Variants in DMXL2 observed in about 807,000 individuals in gnomAD.
DMXL2 encodes dmX-like protein 2.
DMXL2 carries 103 observed loss-of-function variants against 331.1 expected under a neutral mutation model. That is an observed-to-expected ratio of 0.31 (90% CI 0.27 to 0.37). The LOEUF (loss-of-function observed/expected upper bound fraction) is 0.37. Ranked by LOEUF, DMXL2 falls within the 10% of genes least tolerant of loss-of-function variation. The pLI is 1.00. For missense variants in DMXL2, 3,171 were observed against 3,642.9 expected (o/e 0.87, Z 3.33); for synonymous variants, 1,281 against 1,252.1 (o/e 1.02, Z -0.49).
rs879192623 is a variant in DMXL2, at chr15:51,536,925, T to C, written c.1618-63A>G. On this transcript the variant is annotated intron_variant, in intron 11 of 43. Transcript: ENST00000560891. The stretch of plus-strand genomic sequence containing the variant: ...TACCTCCTCTCAAAAAAAAGACTTC[T>C]ATTCTCAAAATACCAAATCTCAGCT... 2.9e-5 allele frequency: 40 copies of C among 1,357,056 alleles called. No homozygotes were observed. The South Asian group carries it at 4.0e-4, about 14-fold the overall frequency. 84.1% of individuals were successfully genotyped at this position (1,357,056 alleles called of 1,614,324 possible).
chr15:51,557,566 T>C (rs184025285), intron 6 of DMXL2, among the ~76,000 whole-genome samples: 137 of 152,152 alleles, frequency 9.0e-4, no homozygotes, highest in Non-Finnish European at 1.4e-3. Context: ...GGGCCAAGAA[T>C]AGATAAGACG....
At chr15:51,604,987 G>A (rs914087277) in intron 1 of DMXL2, among the ~76,000 whole-genome samples, 6 of 151,914 alleles carry the variant, frequency 3.9e-5, no homozygotes, top group Admixed American at 3.3e-4. Context: ...CAATTCAATG[G>A]AGAAAGGGCA....
intron 1 of DMXL2, among the ~76,000 whole-genome samples, chr15:51,619,380 A>G (rs1435477566): frequency 6.6e-6 from 1 of 152,236 alleles, no homozygotes; most frequent in Non-Finnish European, 1.5e-5. Flanking sequence ...ACGAAATCAC[A>G]ATCGAATGTT....
intron 33 of DMXL2, chr15:51,460,044 T>C (rs2039981874): frequency 2.1e-6 from 2 of 960,930 alleles, no homozygotes; most frequent in Non-Finnish European, 2.5e-6. Flanking sequence ...AAAATACAAA[T>C]TAAAATATTT....
At chr15:51,512,164 C>A (rs1309027935) in intron 15 of DMXL2, among the ~76,000 whole-genome samples, 3 of 152,070 alleles carry the variant, frequency 2.0e-5, no homozygotes, top group Non-Finnish European at 2.9e-5. Flanking sequence ...ATGTTCTGCA[C>A]ATGTATTCCA....
intron 25 of DMXL2, among the ~76,000 whole-genome samples, chr15:51,479,412 G>T (rs140527423): frequency 6.6e-6 from 1 of 152,248 alleles, no homozygotes; most frequent in Non-Finnish European, 1.5e-5. Flanking sequence ...AGTGTTTCTT[G>T]GACTGTATCA....
chr15:51,552,059 G>C (rs2049255356), intron 6 of DMXL2, among the ~76,000 whole-genome samples: 6 of 152,114 alleles, frequency 3.9e-5, no homozygotes, highest in Admixed American at 3.9e-4. Flanking sequence ...TAGACAGAGG[G>C]AACAGCACAT....
chr15:51,574,352 T>C (rs948068385), intron 2 of DMXL2, among the ~76,000 whole-genome samples: 4 of 152,320 alleles, frequency 2.6e-5, no homozygotes, highest in African/African-American at 4.8e-5. Context: ...CTACAGGGAA[T>C]AGACCAAAAA....
At chr15:51,496,004 A>G (rs1454939559) in intron 18 of DMXL2, among the ~76,000 whole-genome samples, 2 of 152,014 alleles carry the variant, frequency 1.3e-5, no homozygotes, top group African/African-American at 4.8e-5. Context: ...CACCAACCTA[A>G]TATGTATCTA....
At chr15:51,532,386 G>A (rs1341391974) in intron 13 of DMXL2, among the ~76,000 whole-genome samples, 1 of 152,162 alleles carries the variant, frequency 6.6e-6, no homozygotes. Context: ...GCTAGGAGGG[G>A]TCGTAAGGGA....
rs761078806 is a variant in DMXL2 at position 51,471,399 on chromosome 15, G to T, written c.7216C>A (p.Pro2406Thr). Reference sequence around the variant, plus strand: ...TCTATGTCTTCAGAAAGGACAGGAGGTGCTAAATGAAGATAGAAGGAAAAA... The same window carrying T: ...TCTATGTCTTCAGAAAGGACAGGAGTTGCTAAATGAAGATAGAAGGAAAAA... ...PRRQSENISA[P>T]PVLSEDIDKH... Residue 2406 changes from proline (P) to threonine (T), a missense_variant and splice_region_variant, in exon 29 of 44, where the codon CCT (proline) becomes ACT (threonine). Pro to Thr is a conservative substitution (Grantham distance 38). Coordinates refer to ENST00000560891, the MANE Select transcript of DMXL2 (RefSeq NM_001378457.1). 5.0e-6 allele frequency: 8 copies of T among 1,586,390 alleles called. No homozygotes were observed. Among genetic ancestry groups the T allele is most frequent in the Admixed American group, 1.8e-5 (1 of 56,572 alleles).
chr15:51,470,954 C>A (rs1485055820), intron 29 of DMXL2, among the ~76,000 whole-genome samples: 3 of 151,998 alleles, frequency 2.0e-5, no homozygotes, highest in African/African-American at 7.2e-5. Flanking sequence ...TCCAGTCACT[C>A]GAAAAAGATG....
intron 23 of DMXL2, among the ~76,000 whole-genome samples, chr15:51,483,893 C>A (rs2042200240): frequency 6.6e-6 from 1 of 151,968 alleles, no homozygotes; most frequent in Admixed American, 6.5e-5. Flanking sequence ...AGCCTTGCAC[C>A]AGTCTCAGAC....
rs2042804817 is a variant in DMXL2 at position 51,491,569 on chromosome 15, A to G, written c.4953+9T>C. 6.3e-7 allele frequency: 1 copy of G among 1,584,524 alleles called. No homozygotes were observed. The highest frequency in any genetic ancestry group is 8.5e-7 in the Non-Finnish European group (1 of 1,171,282). ...TAATATAACTCAAAATCCACTAAAG[A>G]AAAGTTACCTTTTCAATGCATCTTC... On this transcript the variant is annotated intron_variant, in intron 20 of 43. Transcript: ENST00000560891.
At chr15:51,566,845 T>C (rs1280055283) in intron 3 of DMXL2, among the ~76,000 whole-genome samples, 1 of 152,114 alleles carries the variant, frequency 6.6e-6, no homozygotes, top group Admixed American at 6.5e-5. Flanking sequence ...ATGCAGGATG[T>C]TTTAAAGGGC....
At chr15:51,527,190 C>A (rs577554037) in intron 13 of DMXL2, among the ~76,000 whole-genome samples, 27 of 151,776 alleles carry the variant, frequency 1.8e-4, no homozygotes, top group African/African-American at 6.3e-4. Context: ...ATACGTCTGG[C>A]GGCAGAATTT....
intron 1 of DMXL2, among the ~76,000 whole-genome samples, chr15:51,593,540 C>G (rs1193984195): frequency 2.0e-5 from 3 of 152,080 alleles, no homozygotes; most frequent in African/African-American, 4.8e-5. Flanking sequence ...TCCAGGAATT[C>G]AACTCAGCTC....
At chr15:51,571,174 C>T (rs999343012) in intron 2 of DMXL2, among the ~76,000 whole-genome samples, 1 of 152,166 alleles carries the variant, frequency 6.6e-6, no homozygotes, top group Middle Eastern at 3.4e-3. Context: ...CAACAAAGAT[C>T]AAAAGAGACA....
At chr15:51,520,091 C>T (rs2047271479) in intron 13 of DMXL2, among the ~76,000 whole-genome samples, 1 of 152,238 alleles carries the variant, frequency 6.6e-6, no homozygotes, top group Non-Finnish European at 1.5e-5. Flanking sequence ...CAGCCATTCA[C>T]ATTCTATGCT....
Sources: allele counts gnomAD v4.1 joint callset (sites outside exome capture counted in the v4.1 genomes callset), GRCh38; gene constraint gnomAD v4.1.1; transcripts MANE v1.5; gene names NCBI Gene and HGNC (gene_info 2026-07-23, HGNC 2026-07-21).